SRCIN1: variants seen among roughly 807,000 people sequenced by gnomAD.
The protein encoded by SRCIN1 is SRC kinase signaling inhibitor 1, also known as P130Cas-associated protein.
A neutral mutation model predicts 116.2 loss-of-function variants in SRCIN1; 50 were observed. The observed-to-expected ratio is 0.43, with a 90% CI of 0.34 to 0.54. The LOEUF (loss-of-function observed/expected upper bound fraction) is 0.54. Ranked by LOEUF, SRCIN1 falls within the 20% of genes least tolerant of loss-of-function variation. The pLI is 0.02. For missense variants in SRCIN1, 1,446 were observed against 1,672.0 expected (o/e 0.86, Z 2.36); for synonymous variants, 736 against 750.0 (o/e 0.98, Z 0.30).
rs565348331 is a variant in SRCIN1, at chr17:38,564,738, G to A, written c.346-425C>T. Among the ~76,000 whole-genome samples the A allele has an allele frequency of 7.3e-3, 963 of 131,538 alleles. 15 individuals are homozygous for A. The highest frequency in any genetic ancestry group is 0.025 in the African/African-American group (905 of 36,028). The allele number at this position is 131,538 out of a possible 152,430, so 86.3% of individuals were successfully genotyped here. ...GAGCGGAGAATTTATTCTTCATGGAGTTCAGAGGGTGGGGGTGGGGGTGGG... is the reference window on the plus strand; with the variant it reads ...GAGCGGAGAATTTATTCTTCATGGAATTCAGAGGGTGGGGGTGGGGGTGGG... On this transcript the variant is annotated intron_variant, in intron 3 of 18. Coordinates refer to ENST00000617146, the MANE Select transcript of SRCIN1 (RefSeq NM_025248.3).
rs561234138 is a variant in SRCIN1 at position 38,556,018 on chromosome 17, T to C, written c.2201+2209A>G. Among the ~76,000 whole-genome samples, 77 of 152,158 alleles carry C rather than the reference T, an allele frequency of 5.1e-4. 1 individual carries two copies. The highest frequency in any genetic ancestry group is 2.1e-3 in the Admixed American group (32 of 15,300). On this transcript the variant is annotated intron_variant, in intron 11 of 18. Coordinates refer to ENST00000617146, the MANE Select transcript of SRCIN1 (RefSeq NM_025248.3). ...GTTCTGATCACCCAATCTGCCAAAG[T>C]TGGGGGGCCTCTAACCTGGGCAAGC...
Position 38,561,576 on chromosome 17 carries a change from G to T in SRCIN1, c.1587C>A (p.Ser529Arg). Reference protein sequence around the residue: ...FAESPGGKTRSAGSASTAGAP... With the variant: ...FAESPGGKTRRAGSASTAGAP... The stretch of plus-strand genomic sequence containing the variant: ...CTCCGGCCGTCGAGGCGCTCCCCGC[G>T]CTGCGGGTCTTCCCTCCAGGACTCT... The change falls in exon 7 of 19, where the codon AGC becomes AGA. Residue 529 changes from serine to arginine, a missense_variant. Ser to Arg is a moderately radical substitution (Grantham distance 110). This residue lies in a region of SRCIN1 where 398 missense variants were observed against 385.6 expected (regional missense o/e 1.03). Coordinates refer to ENST00000617146, the MANE Select transcript of SRCIN1 (RefSeq NM_025248.3). 6.2e-7 allele frequency: 1 copy of T among 1,601,554 alleles called. No homozygotes were observed. The highest frequency in any genetic ancestry group is 8.5e-7 in the Non-Finnish European group (1 of 1,175,486).
intron 1 of SRCIN1, among the ~76,000 whole-genome samples, chr17:38,592,903 G>T (rs893676406): frequency 6.6e-6 from 1 of 152,056 alleles, no homozygotes; most frequent in Admixed American, 6.6e-5. Context: ...AGGAAGTGAG[G>T]TAAGGAAGGG....
In SRCIN1 at chr17:38,552,735, T is replaced by C. The variant is rs1257192610; in HGVS notation, c.2322A>G (p.Thr774=). 6.2e-7 allele frequency: 1 copy of C among 1,613,834 alleles called. No individual in the cohort carries two copies. The highest frequency in any genetic ancestry group is 8.5e-7 in the Non-Finnish European group (1 of 1,179,830). The change falls in exon 12 of 19, where the codon ACA becomes ACG. Residue 774 remains threonine (T), a synonymous_variant. Coordinates refer to ENST00000617146, the MANE Select transcript of SRCIN1 (RefSeq NM_025248.3). This position sits in a 1 kb window ranked among gnomAD's most constrained non-coding sequence, Gnocchi z 5.3. The part of the protein sequence containing the change: ...LVLKQLGETL[T]ELKAHFPGLQ... The stretch of plus-strand genomic sequence containing the variant: ...AGGCCCCAGACCCACCCTTGAGCTC[T>C]GTCAGCGTCTCCCCGAGCTGCTTCA...
At chr17:38,601,306 C>T (rs1289760627) in intron 1 of SRCIN1, among the ~76,000 whole-genome samples, 1 of 152,134 alleles carries the variant, frequency 6.6e-6, no homozygotes, top group Non-Finnish European at 1.5e-5. Flanking sequence ...TGCAAAGGGG[C>T]CCCAGGGCGT....
intron 15 of SRCIN1, among the ~76,000 whole-genome samples, chr17:38,550,313 T>C (rs1451877371): frequency 1.3e-5 from 2 of 151,936 alleles, no homozygotes; most frequent in Non-Finnish European, 2.9e-5. Context: ...GCTAACACGG[T>C]GAGACCCCAT....
chr17:38,574,082 T>C (rs1907254590), intron 2 of SRCIN1, among the ~76,000 whole-genome samples: 1 of 152,190 alleles, frequency 6.6e-6, no homozygotes, highest in Non-Finnish European at 1.5e-5. Context: ...TGTAAGGACC[T>C]GAGCACCCTG....
intron 2 of SRCIN1, chr17:38,574,960 G>A: frequency 5.0e-6 from 2 of 401,072 alleles, no homozygotes; most frequent in South Asian, 1.3e-4. Context: ...CGGGGTCCAC[G>A]GTCCAGCCGC....
chr17:38,570,653 G>A (rs758543868), intron 2 of SRCIN1, among the ~76,000 whole-genome samples: 4 of 152,238 alleles, frequency 2.6e-5, no homozygotes, highest in Non-Finnish European at 4.4e-5. Flanking sequence ...GGCCCACCTC[G>A]TGGTCCTGGG....
chr17:38,599,697 T>C (rs1567887293), intron 1 of SRCIN1, among the ~76,000 whole-genome samples: 2 of 152,154 alleles, frequency 1.3e-5, no homozygotes, highest in Non-Finnish European at 2.9e-5. Flanking sequence ...GAAAAGCAGG[T>C]TTCCAGCCTC....
At chr17:38,606,280 G>C (rs1432427559), upstream of SRCIN1, among the ~76,000 whole-genome samples, 1 of 151,934 alleles carries the variant, frequency 6.6e-6, no homozygotes. This position sits in a 1 kb window ranked among gnomAD's most constrained non-coding sequence, Gnocchi z 5.2. Flanking sequence ...ACACTTGGAG[G>C]GTGGAGGACT....
chr17:38,592,653 G>C (rs1908502123), intron 1 of SRCIN1, among the ~76,000 whole-genome samples: 1 of 152,192 alleles, frequency 6.6e-6, no homozygotes, highest in Non-Finnish European at 1.5e-5. Context: ...GAAGAAATAA[G>C]GTGTGTAAAG....
rs1048876816 is a variant in SRCIN1, at chr17:38,561,738, C to T, written c.1425G>A (p.Pro475=). 2.6e-6 allele frequency: 4 copies of T among 1,519,156 alleles called. No homozygotes were observed. Among genetic ancestry groups the T allele is most frequent in the South Asian group, 2.4e-5 (2 of 82,554 alleles). 94.1% of individuals were successfully genotyped at this position (1,519,156 alleles called of 1,614,324 possible). A position where few individuals can be genotyped will look rare whatever the true frequency, so the allele number is the denominator to read the frequency against. The change falls in exon 7 of 19, where the codon CCG becomes CCA. Residue 475 remains proline (P), a synonymous_variant. Transcript: ENST00000617146. ...GTGCTGCCACGTCGGCCAGCTTCTGCGGTGACGAAGGCGGCAGGCGGAAGC... is the reference window on the plus strand; with the variant it reads ...GTGCTGCCACGTCGGCCAGCTTCTGTGGTGACGAAGGCGGCAGGCGGAAGC... ...GYGFRLPPSS[P]QKLADVAAPP...
chr17:38,548,559 C>G lies in SRCIN1; in HGVS notation c.3268G>C (p.Glu1090Gln). 1 of 1,611,042 alleles carries G rather than the reference C, an allele frequency of 6.2e-7. No individual in the cohort carries two copies. Among genetic ancestry groups the G allele is most frequent in the African/African-American group, 1.3e-5 (1 of 75,038 alleles). Residue 1090 changes from glutamate to glutamine, a missense_variant and splice_region_variant, in exon 17 of 19, where the codon GAG becomes CAG. This residue lies in a region of SRCIN1 where 531 missense variants were observed against 633.9 expected (regional missense o/e 0.84). Transcript: ENST00000617146. The part of the protein sequence containing the change: ...DDEDRIIAEL[E>Q]SGGGSVPPMK... ...GGGCCAGGTGTGCCCTGACCTACCTCTAGCTCTGCGATGATGCGATCCTCG... is the reference window on the plus strand; with the variant it reads ...GGGCCAGGTGTGCCCTGACCTACCTGTAGCTCTGCGATGATGCGATCCTCG...
In SRCIN1 at chr17:38,581,944, C is replaced by T. The variant is rs533857626; in HGVS notation, c.23-3153G>A. 5.9e-5 allele frequency among the ~76,000 whole-genome samples: 9 copies of T among 152,318 alleles called. No individual in the cohort carries two copies. In the East Asian group the frequency reaches 1.7e-3, roughly 29 times the overall value. On this transcript the variant is annotated intron_variant, in intron 1 of 18. Transcript: ENST00000617146. Reference sequence around the variant, plus strand: ...CACCACCAGCCAGAGGTCTGCAGCCCATTGGGTACAAGTGAGAAGGAGGGG... The same window carrying T: ...CACCACCAGCCAGAGGTCTGCAGCCTATTGGGTACAAGTGAGAAGGAGGGG...
chr17:38,572,758 C>A lies in SRCIN1; in HGVS notation c.325-4527G>T. The A allele has an allele frequency of 6.5e-6, 1 of 152,898 alleles. No individual in the cohort carries two copies. Among genetic ancestry groups the A allele is most frequent in the South Asian group, 1.8e-4 (1 of 5,646 alleles). The allele number at this position is 152,898 out of a possible 1,614,324, so 9.5% of individuals were successfully genotyped here. ...GCCCCTACTCCCACCCGCCCGGGCT[C>A]TTCTCTCCCCCGGCCGCCTCCGCAG... On this transcript the variant is annotated intron_variant, in intron 2 of 18. Transcript: ENST00000617146. The surrounding 1 kb of genome is among the most constrained non-coding windows in gnomAD (Gnocchi z 4.3).
chr17:38,578,559 G>A lies in SRCIN1; in HGVS notation c.255C>T (p.Asp85=). Residue 85 remains aspartate (D), a synonymous_variant, in exon 2 of 19, where the codon GAC becomes GAT. Coordinates refer to ENST00000617146, the MANE Select transcript of SRCIN1 (RefSeq NM_025248.3). ...GCTGTGGGTACTTGCTCTTCAGGTG[G>A]TCCATGAAGGCATCACGCTTGCGGT... ...DADRKRDAFM[D]HLKSKYPQHA... 2 of 1,610,610 alleles carry A rather than the reference G, an allele frequency of 1.2e-6. No individual in the cohort carries two copies. The highest frequency in any genetic ancestry group is 1.7e-5 in the Admixed American group (1 of 59,938).
chr17:38,594,285 C>T lies in SRCIN1; in HGVS notation c.22+11399G>A, dbSNP rs1908597248. Among the ~76,000 whole-genome samples, 4 of 152,296 alleles carry T rather than the reference C, an allele frequency of 2.6e-5. 1 individual carries two copies. Among genetic ancestry groups the T allele is most frequent in the Middle Eastern group, 6.8e-3 (2 of 294 alleles). ...GGGAGGGAGGGGAGCAGTGTCGTTG[C>T]TCTTTTAGGAAAACGGTAATTTTAA... is the stretch of plus-strand genomic sequence containing the variant. On this transcript the variant is annotated intron_variant, in intron 1 of 18. Transcript: ENST00000617146.
At position 38,532,227 on chromosome 17, in the gene SRCIN1, C is replaced by G. The variant is rs1359965832; in HGVS notation, c.*1070G>C. 6.6e-6 allele frequency: 1 copy of G among 152,466 alleles called. No homozygotes were observed. The highest frequency in any genetic ancestry group is 2.4e-5 in the African/African-American group (1 of 41,410). The allele number at this position is 152,466 out of a possible 1,614,324, so 9.4% of individuals were successfully genotyped here. On this transcript the variant is annotated 3_prime_UTR_variant, in exon 19 of 19. Coordinates refer to ENST00000617146, the MANE Select transcript of SRCIN1 (RefSeq NM_025248.3). This position sits in a 1 kb window ranked among gnomAD's most constrained non-coding sequence, Gnocchi z 4.3. The stretch of plus-strand genomic sequence containing the variant: ...AACCCTCAAATTGCCAAGAGGATGA[C>G]TGAAGTTCAAGTCACCCCACCTGCG...
Sources: gnomAD v4.1 joint callset for allele counts (sites outside exome capture counted in the v4.1 genomes callset) on GRCh38, gnomAD v4.1.1 for gene constraint, gnomAD v4.1.1 regional missense constraint, Gnocchi (gnomAD v3.1) non-coding constraint, MANE v1.5 for transcripts, NCBI Gene and HGNC (gene_info 2026-07-23, HGNC 2026-07-21) for gene names.